The following TRIM67 variants were observed in gnomAD, a reference collection of about 807,000 sequenced individuals.
The protein encoded by TRIM67 is tripartite motif-containing protein 67.
Under a neutral mutation model 71.0 loss-of-function variants are expected in TRIM67, and 39 were observed. The observed-to-expected ratio is 0.55, with a 90% CI of 0.43 to 0.72. The LOEUF (loss-of-function observed/expected upper bound fraction) is 0.72, where lower values mean the gene tolerates loss of function less well. Ranked by LOEUF, TRIM67 falls within the 30% of genes least tolerant of loss-of-function variation. The pLI, the probability that TRIM67 is intolerant of heterozygous loss-of-function variation, is 0.00. For missense variants in TRIM67, 973 were observed against 1,079.2 expected, an observed-to-expected ratio of 0.90 and a Z score of 1.38; for synonymous variants, 481 against 473.9, an observed-to-expected ratio of 1.01 and a Z score of -0.19.
At chr1:231,210,985 C>T (rs940613875) in intron 8 of TRIM67, among the ~76,000 whole-genome samples, 1 of 141,700 alleles carries the variant, frequency 7.1e-6, no homozygotes, top group African/African-American at 2.8e-5. Flanking sequence ...AGTTCAAGAC[C>T]AGCCTGGGCA....
At chr1:231,198,963 CTT>C (rs1683447254) in intron 2 of TRIM67, 82 bp from the exon 3 acceptor site, 4 of 1,586,740 alleles carry the variant, frequency 2.5e-6, no homozygotes, top group South Asian at 1.1e-5. Context: ...TGAAATATAT[CTT>C]TGTCTATAGC....
chr1:231,205,582 C>T (rs1019048125), intron 6 of TRIM67, among the ~76,000 whole-genome samples: 2 of 151,984 alleles, frequency 1.3e-5, no homozygotes, highest in African/African-American at 2.4e-5. Flanking sequence ...AAAAATTACC[C>T]GGGCATGGTG....
At chr1:231,206,821 C>A in intron 7 of TRIM67, 31 bp downstream of exon 7, 1 of 1,547,898 alleles carries the variant, frequency 6.5e-7, no homozygotes, top group Non-Finnish European at 8.7e-7. Context: ...GTGGGAAGAA[C>A]AGATTCATCA....
intron 1 of TRIM67, among the ~76,000 whole-genome samples, chr1:231,188,163 G>T (rs1306168040): frequency 6.6e-6 from 1 of 152,108 alleles, no homozygotes; most frequent in African/African-American, 2.4e-5. Context: ...AGGCAGTCTT[G>T]GTTGCTTCTG....
In TRIM67 at chr1:231,218,080, G is replaced by C. The variant is rs1684058935; in HGVS notation, c.*2640G>C. The C allele has an allele frequency of 1.8e-6, 2 of 1,112,028 alleles. No homozygotes were observed. Among genetic ancestry groups the C allele is most frequent in the Non-Finnish European group, 2.2e-6 (2 of 897,804 alleles). 68.9% of individuals were successfully genotyped at this position (1,112,028 alleles called of 1,614,324 possible). A position where few individuals can be genotyped will look rare whatever the true frequency, so the allele number is the denominator to read the frequency against. On this transcript the variant is annotated 3_prime_UTR_variant, in exon 10 of 10. Coordinates refer to ENST00000366653, the MANE Select transcript of TRIM67 (RefSeq NM_001004342.5). ...CAGCACAAAACACCTTCAATGTTCT[G>C]ACTTCAAAGAGAACGACAGGTCCGT... is the stretch of plus-strand genomic sequence containing the variant.
At chr1:231,175,564 C>A (rs900719612) in intron 1 of TRIM67, among the ~76,000 whole-genome samples, 1 of 152,200 alleles carries the variant, frequency 6.6e-6, no homozygotes, top group African/African-American at 2.4e-5. Context: ...ATCATGACAC[C>A]CGCACACGCA....
intron 1 of TRIM67, among the ~76,000 whole-genome samples, chr1:231,195,690 C>CT (rs1214950543): frequency 6.6e-6 from 1 of 152,218 alleles, no homozygotes; most frequent in Non-Finnish European, 1.5e-5. Flanking sequence ...CTCCCTGTGT[C>CT]TTTTTGTGGG....
In TRIM67 at chr1:231,162,458, G is replaced by C. The variant is rs979284824; in HGVS notation, c.-512G>C. 2 of 154,424 alleles carry C rather than the reference G, an allele frequency of 1.3e-5. No individual in the cohort carries two copies. The highest frequency in any genetic ancestry group is 2.9e-5 in the Non-Finnish European group (2 of 69,560). The allele number at this position is 154,424 out of a possible 1,614,324, so 9.6% of individuals were successfully genotyped here. A position where few individuals can be genotyped will look rare whatever the true frequency, so the allele number is the denominator to read the frequency against. ...TGGTGCTGATCCCAGCCCCACGGCT[G>C]AGCGGCCTTCGCACCTGCCTGTCTC... On this transcript the variant is annotated 5_prime_UTR_variant, in exon 1 of 10. Coordinates refer to ENST00000366653, the MANE Select transcript of TRIM67 (RefSeq NM_001004342.5).
chr1:231,208,733 G>A (rs1013563581), intron 7 of TRIM67, among the ~76,000 whole-genome samples: 2 of 152,204 alleles, frequency 1.3e-5, no homozygotes, highest in Admixed American at 1.3e-4. Context: ...GGCTCGTAGG[G>A]CTGGCAACTT....
chr1:231,215,460 T>G lies in TRIM67; in HGVS notation c.*20T>G. ...AATTAGCCCCGCTCCAGCTCGGCAC[T>G]GTGCCTGTGACAGTGACATTCACAG... On this transcript the variant is annotated 3_prime_UTR_variant, in exon 10 of 10. Coordinates refer to ENST00000366653, the MANE Select transcript of TRIM67 (RefSeq NM_001004342.5). 6.3e-7 allele frequency: 1 copy of G among 1,585,172 alleles called. No individual in the cohort carries two copies. Among genetic ancestry groups the G allele is most frequent in the South Asian group, 1.1e-5 (1 of 87,408 alleles).
intron 1 of TRIM67, among the ~76,000 whole-genome samples, chr1:231,171,920 C>A (rs541245874): frequency 2.0e-5 from 3 of 152,228 alleles, no homozygotes; most frequent in African/African-American, 7.2e-5. Flanking sequence ...CAGAGAGAGA[C>A]TGCTTCTCTA....
intron 1 of TRIM67, among the ~76,000 whole-genome samples, chr1:231,176,923 A>AAAAAAAAAC (rs1553322802): frequency 1.3e-5 from 2 of 151,032 alleles, no homozygotes; most frequent in Admixed American, 6.6e-5. Flanking sequence ...AAAAAAAAAA[A>AAAAAAAAAC]CACCTTTCAA....
At position 231,219,281 on chromosome 1, in the gene TRIM67, C is replaced by A; in HGVS notation, c.*3841C>A. ...CCCATCATCTGCCAGTAGCAACCCC[C>A]AAGTTAGGTGTGACAACCAAAAGTA... On this transcript the variant is annotated 3_prime_UTR_variant, in exon 10 of 10. Coordinates refer to ENST00000366653, the MANE Select transcript of TRIM67 (RefSeq NM_001004342.5). The A allele has an allele frequency of 2.0e-6, 2 of 980,026 alleles. No individual in the cohort carries two copies. Among genetic ancestry groups the A allele is most frequent in the Non-Finnish European group, 1.2e-6 (1 of 824,786 alleles). 60.7% of individuals were successfully genotyped at this position (980,026 alleles called of 1,614,324 possible).
chr1:231,193,484 C>T (rs1226382431), intron 1 of TRIM67, among the ~76,000 whole-genome samples: 1 of 148,958 alleles, frequency 6.7e-6, no homozygotes, highest in Non-Finnish European at 1.5e-5. Flanking sequence ...AAGAAAGAGA[C>T]ACCTGAACTC....
In TRIM67 at chr1:231,197,389, T is replaced by G. The variant is rs1256557908; in HGVS notation, c.1063T>G (p.Leu355Val). The change falls in exon 2 of 10, where the codon TTA (leucine) becomes GTA (valine). Residue 355 changes from leucine to valine, a missense_variant. Physicochemically the swap from Leu to Val is conservative, Grantham distance 32. Around this residue, in one of 2 missense-constraint regions of TRIM67, gnomAD observed 795 missense variants for 831.3 expected, o/e 0.96. Transcript: ENST00000366653. ...TTTTCAGGCACAACTATCTCAGGCC[T>G]TAAATGGAGTTTCAGATAAGGCAAA... ...KQHKAQLSQA[L>V]NGVSDKAKEA... 4 of 1,613,996 alleles carry G rather than the reference T, an allele frequency of 2.5e-6. No homozygotes were observed. Among genetic ancestry groups the G allele is most frequent in the Non-Finnish European group, 3.4e-6 (4 of 1,179,860 alleles).
chr1:231,170,890 G>T (rs1403119260), intron 1 of TRIM67, among the ~76,000 whole-genome samples: 1 of 152,170 alleles, frequency 6.6e-6, no homozygotes, highest in Non-Finnish European at 1.5e-5. Context: ...TTAGATTGCA[G>T]CCTTGTTGGT....
Position 231,220,971 on chromosome 1 carries a change from G to C in TRIM67, c.*5531G>C, listed in dbSNP as rs1394960573. 6.6e-6 allele frequency: 1 copy of C among 152,232 alleles called. No homozygotes were observed. The highest frequency in any genetic ancestry group is 2.4e-5 in the African/African-American group (1 of 41,446). 9.4% of individuals were successfully genotyped at this position (152,232 alleles called of 1,614,324 possible). On this transcript the variant is annotated 3_prime_UTR_variant, in exon 10 of 10. Transcript: ENST00000366653. ...AACATGTCAGGTGCTTACTGGGTGA[G>C]ACCCAGCCGGGGAAGCCTCTCCAAC...
At position 231,215,356 on chromosome 1, in the gene TRIM67, G is replaced by A. The variant is rs1269660147; in HGVS notation, c.2287-19G>A. On this transcript the variant is annotated intron_variant, in intron 9 of 9. Transcript: ENST00000366653. ...GCGGCAGCCTCTCCCACCCTCACTT[G>A]CCCTGTCTTCTTTTCCAGGTCACCC... 2 of 1,611,044 alleles carry A rather than the reference G, an allele frequency of 1.2e-6. No individual in the cohort carries two copies. Among genetic ancestry groups the A allele is most frequent in the Non-Finnish European group, 1.7e-6 (2 of 1,178,360 alleles).
chr1:231,186,159 C>G (rs528811934), intron 1 of TRIM67: 14 of 1,531,038 alleles, frequency 9.1e-6, no homozygotes, highest in Non-Finnish European at 1.2e-5. Flanking sequence ...CAGGCTGAGG[C>G]GCTCCCTCTT....
Sources: allele counts gnomAD v4.1 joint callset (sites outside exome capture counted in the v4.1 genomes callset), GRCh38; gene constraint gnomAD v4.1.1; regional missense constraint gnomAD v4.1.1; transcripts MANE v1.5; gene names NCBI Gene and HGNC (gene_info 2026-07-23, HGNC 2026-07-21).